RPIA: variants seen among roughly 807,000 people sequenced by gnomAD.
RPIA encodes ribose-5-phosphate isomerase.
Under a neutral mutation model 37.8 loss-of-function variants are expected in RPIA, and 29 were observed. The observed-to-expected ratio is 0.77, with a 90% CI of 0.57 to 1.05. The LOEUF is 1.05. Among genes scored for constraint, RPIA ranks in the 50% least tolerant of loss-of-function variants. RPIA has a pLI of 0.00. For missense variants in RPIA, 385 were observed against 413.6 expected, an observed-to-expected ratio of 0.93 and a Z score of 0.60; for synonymous variants, 167 against 157.0, an observed-to-expected ratio of 1.06 and a Z score of -0.48.
chr2:88,743,301 G>A (rs1317664188), intron 8 of RPIA, among the ~76,000 whole-genome samples: 1 of 152,122 alleles, frequency 6.6e-6, no homozygotes, highest in Non-Finnish European at 1.5e-5. Flanking sequence ...ATGATCGTAT[G>A]ATTTTTGTTT....
intron 3 of RPIA, among the ~76,000 whole-genome samples, chr2:88,712,644 T>C (rs1012269985): frequency 1.3e-5 from 2 of 152,240 alleles, no homozygotes; most frequent in African/African-American, 4.8e-5. Context: ...TTACTTTTCC[T>C]TGCCTGCCCA....
At chr2:88,698,155 GC>G (rs1437760123) in intron 1 of RPIA, among the ~76,000 whole-genome samples, 1 of 150,972 alleles carries the variant, frequency 6.6e-6, no homozygotes, top group Non-Finnish European at 1.5e-5. Flanking sequence ...TTATATGCAG[GC>G]CATTTCTGTG....
chr2:88,701,203 A>G lies in RPIA; in HGVS notation c.402+1139A>G, dbSNP rs185907176. On this transcript the variant is annotated intron_variant, in intron 3 of 8. Coordinates refer to ENST00000283646, the MANE Select transcript of RPIA (RefSeq NM_144563.3). ...CTCTTGGAGACCTTAAACAAGGTGG[A>G]TGGCCACCCAGGGGACTGAAGGCAA... Among the ~76,000 whole-genome samples, 295 of 150,322 alleles carry G rather than the reference A, an allele frequency of 2.0e-3. 2 individuals are homozygous for G. The highest frequency in any genetic ancestry group is 7.1e-3 in the African/African-American group (290 of 41,056).
chr2:88,743,172 GT>G (rs1454938960), intron 8 of RPIA, among the ~76,000 whole-genome samples: 2 of 152,084 alleles, frequency 1.3e-5, no homozygotes, highest in Non-Finnish European at 2.9e-5. Context: ...CTGGCTGTAG[GT>G]TTGTCATAGG....
At chr2:88,746,571 G>C (rs1673439998) in intron 8 of RPIA, among the ~76,000 whole-genome samples, 1 of 152,220 alleles carries the variant, frequency 6.6e-6, no homozygotes, top group Non-Finnish European at 1.5e-5. Flanking sequence ...CTCCAGGCTG[G>C]TATTGGGGAA....
intron 3 of RPIA, among the ~76,000 whole-genome samples, chr2:88,727,091 GTGTGTGCGCGCGCATGTGTGCGCGTGCA>G (rs1025397504): frequency 3.3e-5 from 5 of 152,106 alleles, no homozygotes; most frequent in African/African-American, 1.2e-4. Context: ...GTGCGTGTGT[GTGTGTGCGCGCGCATGTGTGCGCGTGCA>G]TGTGTGCGCA....
intron 7 of RPIA, among the ~76,000 whole-genome samples, 185 bp from the exon 8 acceptor site, chr2:88,737,790 AAG>A (rs1553422362): frequency 6.6e-6 from 1 of 152,032 alleles, no homozygotes; most frequent in African/African-American, 2.4e-5. Flanking sequence ...AAAAAAAAAA[AAG>A]ACTACAATCT....
At chr2:88,711,953 A>G (rs1672966845) in intron 3 of RPIA, among the ~76,000 whole-genome samples, 1 of 152,218 alleles carries the variant, frequency 6.6e-6, no homozygotes, top group Non-Finnish European at 1.5e-5. Context: ...CCTGAGCAAC[A>G]TAGTGAGACC....
intron 3 of RPIA, among the ~76,000 whole-genome samples, chr2:88,713,454 A>G (rs528208415): frequency 6.6e-6 from 1 of 152,232 alleles, no homozygotes; most frequent in East Asian, 1.9e-4. Context: ...GCTGTTGAGG[A>G]GGTAGATACC....
intron 3 of RPIA, among the ~76,000 whole-genome samples, chr2:88,702,301 C>G (rs1672841879): frequency 1.3e-5 from 2 of 152,218 alleles, no homozygotes; most frequent in Non-Finnish European, 2.9e-5. Context: ...GCTACAGTCT[C>G]ATTTTTCCTC....
intron 3 of RPIA, among the ~76,000 whole-genome samples, chr2:88,711,557 T>A (rs537745000): frequency 6.6e-6 from 1 of 152,314 alleles, no homozygotes; most frequent in South Asian, 2.1e-4. Flanking sequence ...GTAGCAGGTG[T>A]CAGAATAGAT....
intron 3 of RPIA, among the ~76,000 whole-genome samples, chr2:88,700,456 A>G (rs1672814515): frequency 6.6e-6 from 1 of 152,210 alleles, no homozygotes; most frequent in South Asian, 2.1e-4. Context: ...GTTCAAGACC[A>G]GCCTGGGCAT....
In RPIA at chr2:88,715,792, G is replaced by A. The variant is rs911387248; in HGVS notation, c.403-13486G>A. Among the ~76,000 whole-genome samples, 13 of 151,928 alleles carry A rather than the reference G, an allele frequency of 8.6e-5. 1 individual carries two copies. Among genetic ancestry groups the A allele is most frequent in the Non-Finnish European group, 1.2e-4 (8 of 67,986 alleles). On this transcript the variant is annotated intron_variant, in intron 3 of 8. Coordinates refer to ENST00000283646, the MANE Select transcript of RPIA (RefSeq NM_144563.3). Reference sequence around the variant, plus strand: ...ATCAGTGTTCCAGCTTTTAAAATTCGTTGCTATTTTCTCCTCTTTCATGAG... The same window carrying A: ...ATCAGTGTTCCAGCTTTTAAAATTCATTGCTATTTTCTCCTCTTTCATGAG...
intron 3 of RPIA, among the ~76,000 whole-genome samples, chr2:88,720,212 G>A (rs924890283): frequency 2.0e-5 from 3 of 151,848 alleles, no homozygotes; most frequent in African/African-American, 7.3e-5. Context: ...AAAAAGATAC[G>A]TGGATGTAAT....
chr2:88,702,025 TTAGA>T (rs1174055079), intron 3 of RPIA, among the ~76,000 whole-genome samples: 3 of 152,228 alleles, frequency 2.0e-5, no homozygotes, highest in African/African-American at 7.2e-5. Flanking sequence ...CTGTGACTAA[TTAGA>T]TAAATTTCCT....
intron 8 of RPIA, among the ~76,000 whole-genome samples, chr2:88,745,620 C>CT (rs1177145687): frequency 6.6e-6 from 1 of 152,004 alleles, no homozygotes; most frequent in East Asian, 1.9e-4. Flanking sequence ...TCCCTTCTGG[C>CT]TTGTAGGGCT....
chr2:88,733,624 C>G (rs760203923), intron 4 of RPIA, among the ~76,000 whole-genome samples: 2 of 152,178 alleles, frequency 1.3e-5, no homozygotes, highest in Non-Finnish European at 2.9e-5. Flanking sequence ...GCTGTAACTT[C>G]AGACAAAGGC....
intron 4 of RPIA, 80 bp from the exon 5 acceptor site, chr2:88,734,472 G>C: frequency 4.5e-6 from 6 of 1,330,028 alleles, no homozygotes; most frequent in Non-Finnish European, 6.5e-6. Context: ...CTGAGTATCT[G>C]ATGAGCTATC....
At chr2:88,725,886 A>T (rs1461751364) in intron 3 of RPIA, among the ~76,000 whole-genome samples, 2 of 152,194 alleles carry the variant, frequency 1.3e-5, no homozygotes, top group Non-Finnish European at 2.9e-5. Context: ...GCTGATGGGA[A>T]CAGGCTTAAA....
Sources: allele counts gnomAD v4.1 joint callset (sites outside exome capture counted in the v4.1 genomes callset), GRCh38; gene constraint gnomAD v4.1.1; transcripts MANE v1.5; gene names NCBI Gene and HGNC (gene_info 2026-07-23, HGNC 2026-07-21).